Variants in COPE observed in about 807,000 individuals in gnomAD.
COPE encodes coat protein complex I subunit epsilon.
A neutral mutation model predicts 42.1 loss-of-function variants in COPE; 19 were observed. The observed-to-expected ratio is 0.45, with a 90% CI of 0.31 to 0.66. COPE has a LOEUF of 0.66. COPE is among the 30% of genes least tolerant of loss of function. The probability of loss-of-function intolerance (pLI) is 0.05; values close to 1 mark genes in which losing one functional copy is unlikely to be tolerated. For synonymous variants in COPE, 195 were observed against 181.3 expected, an observed-to-expected ratio of 1.08 and a Z score of -0.60; for missense variants, 402 against 416.1, an observed-to-expected ratio of 0.97 and a Z score of 0.30.
In COPE at chr19:18,906,997, C is replaced by T. The variant is rs373017878; in HGVS notation, c.406G>A (p.Ala136Thr). 2.7e-5 allele frequency: 42 copies of T among 1,582,150 alleles called. No homozygotes were observed. Among genetic ancestry groups the T allele is most frequent in the Non-Finnish European group, 3.1e-5 (36 of 1,164,524 alleles). Residue 136 changes from alanine (A) to threonine (T), a missense_variant, in exon 4 of 10, where the codon GCC becomes ACC. Ala to Thr is a moderately conservative substitution (Grantham distance 58, BLOSUM62 0). Transcript: ENST00000262812. ...IYLHDQNPDA[A>T]LRALHQGDSL... ...TCCCCCTGGTGCAGCGCACGCAGGGCGGCATCCGGGTTCTGGTCGTGGAGA... is the reference window on the plus strand; with the variant it reads ...TCCCCCTGGTGCAGCGCACGCAGGGTGGCATCCGGGTTCTGGTCGTGGAGA...
At chr19:18,908,521 CTTTT>C (rs1555710207) in intron 3 of COPE, among the ~76,000 whole-genome samples, 1 of 146,788 alleles carries the variant, frequency 6.8e-6, no homozygotes, top group East Asian at 2.0e-4. Context: ...CCCCATCTCT[CTTTT>C]TTTTTTTTTG....
chr19:18,900,082 G>C (rs2056682463), intron 8 of COPE, 135 bp from the exon 9 acceptor site: 3 of 684,084 alleles, frequency 4.4e-6, no homozygotes, highest in East Asian at 2.9e-5. Context: ...GGACTGGGCT[G>C]ATCTCGGAGA....
intron 4 of COPE, chr19:18,905,929 C>G (rs763392520): frequency 1.9e-6 from 1 of 523,866 alleles, no homozygotes; most frequent in African/African-American, 2.0e-5. Context: ...TGCCCGGACT[C>G]GACACCCTGG....
At chr19:18,909,518 CCTTTT>C (rs1568319832) in intron 3 of COPE, among the ~76,000 whole-genome samples, 1 of 110,394 alleles carries the variant, frequency 9.1e-6, no homozygotes, top group Non-Finnish European at 1.8e-5. Context: ...GGGCCTCTTT[CCTTTT>C]TTTTTTTTTT....
chr19:18,899,641 T>C lies in COPE; in HGVS notation c.*38A>G. ...GGCTGCAGGGCTGGCTCCTGGCCTC[T>C]GTCCTGGCTTCATGGTCCTGACAGC... is the stretch of plus-strand genomic sequence containing the variant. On this transcript the variant is annotated 3_prime_UTR_variant, in exon 10 of 10. Coordinates refer to ENST00000262812, the MANE Select transcript of COPE (RefSeq NM_007263.4). The C allele has an allele frequency of 6.2e-7, 1 of 1,612,602 alleles. No homozygotes were observed. The highest frequency in any genetic ancestry group is 8.5e-7 in the Non-Finnish European group (1 of 1,179,444).
intron 3 of COPE, among the ~76,000 whole-genome samples, chr19:18,907,803 A>G (rs2056774673): frequency 6.6e-6 from 1 of 152,190 alleles, no homozygotes; most frequent in South Asian, 2.1e-4. Flanking sequence ...TCTGGGTTCA[A>G]ACGTGGCTCT....
intron 3 of COPE, among the ~76,000 whole-genome samples, chr19:18,909,445 C>T (rs1046220053): frequency 1.5e-4 from 22 of 151,712 alleles, no homozygotes; most frequent in Admixed American, 9.2e-4. Flanking sequence ...GCTGGCCACT[C>T]GTGGTGCTCC....
In COPE at chr19:18,918,197, AAAAAAAG is replaced by A. The variant is rs1464483329; in HGVS notation, c.126+1019_126+1025del. 4.3e-3 allele frequency among the ~76,000 whole-genome samples: 635 copies of A among 149,374 alleles called. 4 individuals carry two copies. Among genetic ancestry groups the A allele is most frequent in the African/African-American group, 0.015 (599 of 40,584 alleles). ...CGCGAGTCTCCATCTCAAAAAAAAA[AAAAAAAG>A]AAAAGAAAAGAAAAGAAAAAAGAAA... On this transcript the variant is annotated intron_variant, in intron 1 of 9. Transcript: ENST00000262812.
chr19:18,910,904 G>A lies in COPE; in HGVS notation c.290+67C>T, dbSNP rs190428961. On this transcript the variant is annotated intron_variant, in intron 3 of 9. Coordinates refer to ENST00000262812, the MANE Select transcript of COPE (RefSeq NM_007263.4). ...TGCACGCCATGCCCCCACCCACCCA[G>A]GTTCATAACCAACAGGCCTTGAAGA... 434 of 1,419,784 alleles carry A rather than the reference G, an allele frequency of 3.1e-4. 3 individuals carry two copies. In the African/African-American group the frequency reaches 5.4e-3, roughly 18 times the overall value. The allele number at this position is 1,419,784 out of a possible 1,614,324, so 87.9% of individuals were successfully genotyped here.
intron 3 of COPE, among the ~76,000 whole-genome samples, chr19:18,908,739 C>G (rs887159540): frequency 4.7e-4 from 71 of 151,730 alleles, no homozygotes; most frequent in African/African-American, 1.5e-3. Flanking sequence ...GGATGGTCTC[C>G]ATCTCCTGAC....
At chr19:18,904,948 GGATGGC>G (rs1217619762) in intron 5 of COPE, 96 bp from the exon 6 acceptor site, 2 of 1,240,484 alleles carry the variant, frequency 1.6e-6, no homozygotes, top group African/African-American at 3.0e-5. Context: ...CGGAGCCTGG[GGATGGC>G]CCCTGCTTTG....
At chr19:18,901,312 G>A (rs752547690) in intron 7 of COPE, among the ~76,000 whole-genome samples, 1 of 152,248 alleles carries the variant, frequency 6.6e-6, no homozygotes. Flanking sequence ...CAGAGGATGC[G>A]GCCATGAACA....
At chr19:18,910,222 C>T (rs1037396895) in intron 3 of COPE, among the ~76,000 whole-genome samples, 1 of 152,234 alleles carries the variant, frequency 6.6e-6, no homozygotes, top group Non-Finnish European at 1.5e-5. Flanking sequence ...GTTTGACCAA[C>T]GCTGGCCTGT....
chr19:18,915,637 G>A lies in COPE; in HGVS notation c.127-2591C>T, dbSNP rs530040094. ...TGGCCCTAGGATGGCCCCAGCACTG[G>A]CCCCAGGTGGCTTAAGATGTGGCCA... On this transcript the variant is annotated intron_variant, in intron 1 of 9. Coordinates refer to ENST00000262812, the MANE Select transcript of COPE (RefSeq NM_007263.4). 2.0e-5 allele frequency among the ~76,000 whole-genome samples: 3 copies of A among 152,354 alleles called. No homozygotes were observed. The South Asian group carries it at 6.2e-4, about 32-fold the overall frequency.
intron 1 of COPE, among the ~76,000 whole-genome samples, chr19:18,918,058 C>T (rs1312660241): frequency 2.0e-5 from 3 of 151,400 alleles, no homozygotes; most frequent in Admixed American, 6.6e-5. Flanking sequence ...GCCATGGTGG[C>T]GCGCGCCTGT....
At chr19:18,911,851 C>CT (rs537294392) in intron 2 of COPE, among the ~76,000 whole-genome samples, 1,899 of 136,314 alleles carry the variant, frequency 0.014, 35 homozygotes, top group African/African-American at 0.044. Context: ...CACGCCCGGC[C>CT]TTTTTTTTTT....
At chr19:18,911,795 A>G (rs981710992) in intron 2 of COPE, among the ~76,000 whole-genome samples, 5 of 144,268 alleles carry the variant, frequency 3.5e-5, no homozygotes, top group African/African-American at 5.2e-5. Context: ...CTTGTGATCC[A>G]CCCACCTTGG....
At chr19:18,911,843 C>G (rs985506457) in intron 2 of COPE, among the ~76,000 whole-genome samples, 1 of 149,976 alleles carries the variant, frequency 6.7e-6, no homozygotes, top group Non-Finnish European at 1.5e-5. Context: ...TGAGCCACCA[C>G]GCCCGGCCTT....
At position 18,919,247 on chromosome 19, in the gene COPE, G is replaced by A. The variant is rs772768198; in HGVS notation, c.102C>T (p.Cys34=). The change falls in exon 1 of 10, where the codon TGC becomes TGT. Residue 34 remains cysteine, a synonymous_variant. Transcript: ENST00000262812. The part of the protein sequence containing the change: ...NAFYIGSYQQ[C]INEAQRVKLS... Reference sequence around the variant, plus strand: ...CCTTCACCCGCTGCGCCTCGTTTATGCACTGCTGGTAGCTGCCGATGTAGA... The same window carrying A: ...CCTTCACCCGCTGCGCCTCGTTTATACACTGCTGGTAGCTGCCGATGTAGA... 29 of 1,613,512 alleles carry A rather than the reference G, an allele frequency of 1.8e-5. No individual in the cohort carries two copies. The highest frequency in any genetic ancestry group is 5.0e-5 in the Admixed American group (3 of 60,012).
Sources: gnomAD v4.1 joint callset for allele counts (sites outside exome capture counted in the v4.1 genomes callset) on GRCh38, gnomAD v4.1.1 for gene constraint, MANE v1.5 for transcripts, NCBI Gene and HGNC (gene_info 2026-07-23, HGNC 2026-07-21) for gene names.